Variants in ZNF236 observed in about 807,000 individuals in gnomAD.
ZNF236 encodes zinc finger protein 236, also known as regulated by glucose.
In ZNF236, 50 loss-of-function variants were observed where a neutral mutation model predicts 191.2. The observed-to-expected ratio is 0.26, with a 90% CI of 0.21 to 0.33. ZNF236 has a LOEUF of 0.33. Among genes scored for constraint, ZNF236 ranks in the 10% least tolerant of loss-of-function variants. ZNF236 has a pLI of 1.00. For missense variants in ZNF236, 1,754 were observed against 2,374.5 expected, an observed-to-expected ratio of 0.74 and a Z score of 5.43; for synonymous variants, 907 against 928.8, an observed-to-expected ratio of 0.98 and a Z score of 0.43.
intron 3 of ZNF236, among the ~76,000 whole-genome samples, chr18:76,860,475 A>G (rs1976182186): frequency 6.6e-6 from 1 of 151,902 alleles, no homozygotes. Flanking sequence ...TATTTTGAAA[A>G]CCTTCCCTTC....
At position 76,961,133 on chromosome 18, in the gene ZNF236, A is replaced by G. The variant is rs1021647563; in HGVS notation, c.5419+278A>G. On this transcript the variant is annotated intron_variant, in intron 30 of 30. Transcript: ENST00000320610. ...GAGCAGTGTACACTGCACCCTATTTATAGTCTTTTATCCCTCACCCCCTTC... is the reference window on the plus strand; with the variant it reads ...GAGCAGTGTACACTGCACCCTATTTGTAGTCTTTTATCCCTCACCCCCTTC... Among the ~76,000 whole-genome samples the G allele has an allele frequency of 2.6e-4, 40 of 151,968 alleles. 1 individual carries two copies. Among genetic ancestry groups the G allele is most frequent in the Admixed American group, 2.6e-3 (39 of 15,250 alleles).
intron 1 of ZNF236, among the ~76,000 whole-genome samples, chr18:76,823,713 G>A (rs1239728030): frequency 6.6e-6 from 1 of 152,254 alleles, no homozygotes; most frequent in Non-Finnish European, 1.5e-5. Context: ...CCAGCAGTCA[G>A]GAATTGACTT....
chr18:76,882,404 G>T (rs1976925528), intron 9 of ZNF236, among the ~76,000 whole-genome samples: 1 of 152,134 alleles, frequency 6.6e-6, no homozygotes, highest in Admixed American at 6.5e-5. Context: ...ATCCCTTCTA[G>T]GTAATAAGCT....
chr18:76,884,073 T>C (rs1976975949), intron 9 of ZNF236, among the ~76,000 whole-genome samples: 1 of 152,202 alleles, frequency 6.6e-6, no homozygotes, highest in South Asian at 2.1e-4. Context: ...TCATGCAACT[T>C]GTGACACATA....
intron 26 of ZNF236, among the ~76,000 whole-genome samples, chr18:76,941,648 G>A (rs10469071): frequency 2.0e-5 from 3 of 152,168 alleles, no homozygotes; most frequent in African/African-American, 7.2e-5. Context: ...AGCACGAGCC[G>A]GGTGGGTCTT....
intron 26 of ZNF236, among the ~76,000 whole-genome samples, chr18:76,939,464 G>A (rs1599412495): frequency 1.3e-5 from 2 of 152,148 alleles, no homozygotes; most frequent in African/African-American, 2.4e-5. Context: ...TGTCATCTTG[G>A]TCACTGTATC....
Position 76,958,341 on chromosome 18 carries a change from GC to G in ZNF236, c.5113-1345del, listed in dbSNP as rs149494119. Reference sequence around the variant, plus strand: ...CTAACTGCACCCTTCGAGGAGTGCAGCTCGTCGGTATTTCTTTTAAAGTCAT... The same window carrying G: ...CTAACTGCACCCTTCGAGGAGTGCAGTCGTCGGTATTTCTTTTAAAGTCAT... On this transcript the variant is annotated intron_variant, in intron 28 of 30. Transcript: ENST00000320610. Among the ~76,000 whole-genome samples the G allele has an allele frequency of 7.3e-3, 1,106 of 152,312 alleles. 11 individuals carry two copies. Among genetic ancestry groups the G allele is most frequent in the African/African-American group, 0.025 (1,037 of 41,552 alleles).
At chr18:76,898,946 A>G in intron 10 of ZNF236, 73 bp from the exon 11 acceptor site, 1 of 1,299,940 alleles carries the variant, frequency 7.7e-7, no homozygotes, top group Non-Finnish European at 1.1e-6. Flanking sequence ...AAATAATAAC[A>G]TTTTATGTTA....
intron 27 of ZNF236, among the ~76,000 whole-genome samples, chr18:76,950,276 C>A (rs935718946): frequency 3.3e-5 from 5 of 152,200 alleles, no homozygotes; most frequent in African/African-American, 1.2e-4. Context: ...GAGTCCATCT[C>A]TCAAAGCCCA....
chr18:76,823,748 C>T (rs1224483627), intron 1 of ZNF236, among the ~76,000 whole-genome samples: 1 of 152,250 alleles, frequency 6.6e-6, no homozygotes, highest in Non-Finnish European at 1.5e-5. Flanking sequence ...CAGCCCGGAG[C>T]TTGAGGAACG....
chr18:76,912,167 G>A, intron 16 of ZNF236, 77 bp from the exon 17 acceptor site: 1 of 1,097,032 alleles, frequency 9.1e-7, no homozygotes. Flanking sequence ...CTTATCCTTA[G>A]TTCTTAGCTG....
At chr18:76,964,131 C>G (rs1272593737) in intron 30 of ZNF236, among the ~76,000 whole-genome samples, 3 of 152,162 alleles carry the variant, frequency 2.0e-5, no homozygotes, top group African/African-American at 7.2e-5. Context: ...TCTTGTTTCT[C>G]TAGTTCCTTG....
rs1195722901 is a variant in ZNF236, at chr18:76,824,353, A to C, written c.55+1691A>C. 8 of 780,984 alleles carry C rather than the reference A, an allele frequency of 1.0e-5. No individual in the cohort carries two copies. The East Asian group carries it at 1.9e-4, about 19-fold the overall frequency. The allele number at this position is 780,984 out of a possible 1,614,324, so 48.4% of individuals were successfully genotyped here. ...CAGGCGTTTCAGCGAGCTTTCGCACACCTCATGGGCCTTTGTGGGCTGCTG... is the reference window on the plus strand; with the variant it reads ...CAGGCGTTTCAGCGAGCTTTCGCACCCCTCATGGGCCTTTGTGGGCTGCTG... On this transcript the variant is annotated intron_variant, in intron 1 of 30. Transcript: ENST00000320610.
Position 76,875,840 on chromosome 18 carries a change from T to C in ZNF236, c.840+176T>C, listed in dbSNP as rs146374322. 0.013 allele frequency among the ~76,000 whole-genome samples: 1,962 copies of C among 152,342 alleles called. 22 individuals are homozygous for C. The highest frequency in any genetic ancestry group is 0.02 in the Non-Finnish European group (1,355 of 68,032). On this transcript the variant is annotated intron_variant, in intron 6 of 30. Coordinates refer to ENST00000320610, the MANE Select transcript of ZNF236 (RefSeq NM_001306089.2). The surrounding 1 kb of genome is among the most constrained non-coding windows in gnomAD (Gnocchi z 4.3). ...GGGAATTTTTTTGGTTTATTACATG[T>C]GGAAGAAATATAAACTACTATCTTT... is the stretch of plus-strand genomic sequence containing the variant.
intron 9 of ZNF236, among the ~76,000 whole-genome samples, chr18:76,894,344 G>A (rs1280595766): frequency 1.3e-5 from 2 of 152,232 alleles, no homozygotes; most frequent in East Asian, 1.9e-4. Context: ...TCACCACTCA[G>A]TAGCTGGCTT....
chr18:76,829,153 C>G (rs748452588), intron 1 of ZNF236, among the ~76,000 whole-genome samples: 1 of 152,156 alleles, frequency 6.6e-6, no homozygotes, highest in Non-Finnish European at 1.5e-5. Context: ...TTTTATATTT[C>G]AAGCCTTTAT....
intron 1 of ZNF236, among the ~76,000 whole-genome samples, chr18:76,823,944 T>A (rs1373593571): frequency 6.6e-6 from 1 of 152,078 alleles, no homozygotes. Context: ...GGAGCGGCGC[T>A]CCGCGTTTGG....
At chr18:76,930,132 T>A (rs191827186) in intron 25 of ZNF236, among the ~76,000 whole-genome samples, 94 of 152,342 alleles carry the variant, frequency 6.2e-4, no homozygotes, top group Admixed American at 4.8e-3. Flanking sequence ...CTGCATACTT[T>A]GGAGATTCAT....
chr18:76,874,253 T>G (rs1243186038), intron 5 of ZNF236, among the ~76,000 whole-genome samples: 1 of 152,238 alleles, frequency 6.6e-6, no homozygotes, highest in African/African-American at 2.4e-5. Flanking sequence ...GCTTGTTATA[T>G]CTCATTCACT....
Sources: gnomAD v4.1 joint callset for allele counts (sites outside exome capture counted in the v4.1 genomes callset) on GRCh38, gnomAD v4.1.1 for gene constraint, Gnocchi (gnomAD v3.1) non-coding constraint, MANE v1.5 for transcripts, NCBI Gene and HGNC (gene_info 2026-07-23, HGNC 2026-07-21) for gene names.